The following KPNA4 variants were observed in gnomAD, a reference collection of about 807,000 sequenced individuals.
KPNA4 encodes importin subunit alpha-3.
In KPNA4, 13 loss-of-function variants were observed where a neutral mutation model predicts 71.3. The observed-to-expected ratio is 0.18, with a 90% CI of 0.12 to 0.29. KPNA4 has a LOEUF of 0.29. Among genes scored for constraint, KPNA4 ranks in the 10% least tolerant of loss-of-function variants. KPNA4 has a pLI of 1.00. For synonymous variants in KPNA4, 189 were observed against 195.2 expected (o/e 0.97, Z 0.26); for missense variants, 334 against 603.2 (o/e 0.55, Z 4.67).
At chr3:160,536,430 T>C (rs1721695731) in intron 2 of KPNA4, among the ~76,000 whole-genome samples, 1 of 152,142 alleles carries the variant, frequency 6.6e-6, no homozygotes, top group East Asian at 1.9e-4. Flanking sequence ...TTGAAGAAGT[T>C]TGCAACAAGT....
chr3:160,499,625 T>C lies in KPNA4; in HGVS notation c.*2479A>G, dbSNP rs575706222. The C allele has an allele frequency of 2.4e-4, 36 of 152,202 alleles. No homozygotes were observed. The highest frequency in any genetic ancestry group is 2.1e-3 in the Admixed American group (32 of 15,282). The allele number at this position is 152,202 out of a possible 1,614,324, so 9.4% of individuals were successfully genotyped here. ...TATTAGGCTATAGATGGAAATAAAA[T>C]ATTTAAACGATAAGGTAGTCCTTAT... On this transcript the variant is annotated 3_prime_UTR_variant, in exon 17 of 17. Coordinates refer to ENST00000334256, the MANE Select transcript of KPNA4 (RefSeq NM_002268.5).
intron 2 of KPNA4, 84 bp downstream of exon 2, chr3:160,536,712 A>C (rs1241488701): frequency 1.4e-6 from 1 of 703,878 alleles, no homozygotes; most frequent in Non-Finnish European, 2.3e-6. Context: ...ACCTAAAAAC[A>C]TAATATATAT....
At chr3:160,503,092 C>CA (rs1486205629) in intron 16 of KPNA4, among the ~76,000 whole-genome samples, 4 of 151,902 alleles carry the variant, frequency 2.6e-5, no homozygotes, top group African/African-American at 9.7e-5. Flanking sequence ...GCCTGGGTGA[C>CA]AGAGCAAAAC....
chr3:160,506,334 A>G (rs1720984194), intron 15 of KPNA4, among the ~76,000 whole-genome samples: 1 of 151,948 alleles, frequency 6.6e-6, no homozygotes, highest in Non-Finnish European at 1.5e-5. Flanking sequence ...ACACCCAGCT[A>G]ATGTTTCATA....
intron 1 of KPNA4, among the ~76,000 whole-genome samples, chr3:160,551,940 G>GGGT (rs1491580192): frequency 1.8e-5 from 1 of 54,312 alleles, no homozygotes; most frequent in Non-Finnish European, 3.4e-5. Context: ...TGTCACAACT[G>GGGT]GGGGGGGGGG....
intron 11 of KPNA4, among the ~76,000 whole-genome samples, chr3:160,516,509 G>A (rs1376553441): frequency 1.3e-5 from 2 of 152,018 alleles, no homozygotes; most frequent in African/African-American, 4.8e-5. Context: ...GCTAGGTGCA[G>A]TGGCTCACGC....
At chr3:160,515,055 A>G (rs1354899453) in intron 12 of KPNA4, 7 of 519,182 alleles carry the variant, frequency 1.3e-5, no homozygotes, top group Non-Finnish European at 2.7e-5. Context: ...GATGCACTCC[A>G]ATATCAGCAT....
In KPNA4 at chr3:160,521,978, C is replaced by A. The variant is rs1349547931; in HGVS notation, c.772-68G>T. On this transcript the variant is annotated intron_variant, in intron 10 of 16. Transcript: ENST00000334256. ...CTCATTTTAGTAATTCTTGACCAAA[C>A]AACCATTCTAAAATTGTTCAACTAC... 9 of 1,384,538 alleles carry A rather than the reference C, an allele frequency of 6.5e-6. No individual in the cohort carries two copies. In the Admixed American group the frequency reaches 1.7e-4, roughly 26 times the overall value. The allele number at this position is 1,384,538 out of a possible 1,614,324, so 85.8% of individuals were successfully genotyped here.
At chr3:160,505,572 A>T (rs900681524) in intron 15 of KPNA4, among the ~76,000 whole-genome samples, 3 of 152,224 alleles carry the variant, frequency 2.0e-5, no homozygotes, top group African/African-American at 7.2e-5. Context: ...ATGAGTTTAA[A>T]TTATAGGCAG....
At chr3:160,552,058 G>A (rs999641295) in intron 1 of KPNA4, among the ~76,000 whole-genome samples, 1 of 151,360 alleles carries the variant, frequency 6.6e-6, no homozygotes, top group Non-Finnish European at 1.5e-5. Context: ...GGCCCAAAAC[G>A]TCAATAGTGC....
At chr3:160,553,401 C>T (rs1174446142) in intron 1 of KPNA4, among the ~76,000 whole-genome samples, 1 of 152,162 alleles carries the variant, frequency 6.6e-6, no homozygotes, top group East Asian at 1.9e-4. Flanking sequence ...CAGATTATCT[C>T]TTAGTAATTT....
At chr3:160,536,938 T>G in intron 1 of KPNA4, 98 bp from the exon 2 acceptor site, 2 of 599,674 alleles carry the variant, frequency 3.3e-6, no homozygotes, top group Admixed American at 2.7e-5. Flanking sequence ...CTCTAATCTT[T>G]TCTTTTAGCC....
chr3:160,521,636 T>C (rs1179109138), intron 11 of KPNA4, 143 bp downstream of exon 11: 2 of 754,714 alleles, frequency 2.7e-6, no homozygotes, highest in African/African-American at 3.5e-5. Context: ...TGGCATCTTA[T>C]TATTTATTTT....
In KPNA4 at chr3:160,514,091, G is replaced by A. The variant is rs754356894; in HGVS notation, c.1123C>T (p.His375Tyr). The change falls in exon 13 of 17, where the codon CAC becomes TAC. Residue 375 changes from histidine to tyrosine, a missense_variant. His to Tyr is a moderately conservative substitution (Grantham distance 83). Coordinates refer to ENST00000334256, the MANE Select transcript of KPNA4 (RefSeq NM_002268.5). ...IDANLVPMII[H>Y]LLDKGDFGTQ... ...GATTTTCTTACCTTATCCAAAAGGT[G>A]TATTATCATTGGTACAAGATTGGCA... 1.1e-5 allele frequency: 17 copies of A among 1,571,454 alleles called. No individual in the cohort carries two copies. Among genetic ancestry groups the A allele is most frequent in the South Asian group, 8.4e-5 (7 of 83,280 alleles).
At chr3:160,523,872 C>T (rs577208075) in intron 10 of KPNA4, among the ~76,000 whole-genome samples, 11 of 151,724 alleles carry the variant, frequency 7.3e-5, no homozygotes, top group Non-Finnish European at 1.5e-4. Context: ...AAAAAGAATT[C>T]ACATAAAAAA....
intron 10 of KPNA4, among the ~76,000 whole-genome samples, chr3:160,524,556 C>G (rs187117792): frequency 9.9e-5 from 15 of 152,068 alleles, no homozygotes; most frequent in Admixed American, 9.8e-4. Context: ...GTTGCCCAGG[C>G]TGGTCTCGAA....
rs12487511 is a variant in KPNA4, at chr3:160,498,078, G to A, written c.*4026C>T. ...CCCTGGGCAGTATGGGAGTTGAGAT[G>A]TGGGCTTTATTTGGCCCTTAGTAGC... On this transcript the variant is annotated 3_prime_UTR_variant, in exon 17 of 17. Coordinates refer to ENST00000334256, the MANE Select transcript of KPNA4 (RefSeq NM_002268.5). 2.6e-5 allele frequency: 4 copies of A among 152,286 alleles called. No homozygotes were observed. Among genetic ancestry groups the A allele is most frequent in the Admixed American group, 2.6e-4 (4 of 15,296 alleles). The allele number at this position is 152,286 out of a possible 1,614,324, so 9.4% of individuals were successfully genotyped here.
intron 8 of KPNA4, 35 bp from the exon 9 acceptor site, chr3:160,526,142 C>A: frequency 7.0e-7 from 1 of 1,421,118 alleles, no homozygotes; most frequent in East Asian, 2.5e-5. Flanking sequence ...CTCAATAAAA[C>A]ATACTGACAG....
At chr3:160,530,459 A>G (rs1313548441) in intron 7 of KPNA4, among the ~76,000 whole-genome samples, 1 of 152,130 alleles carries the variant, frequency 6.6e-6, no homozygotes, top group African/African-American at 2.4e-5. Context: ...AGCCTGGCCA[A>G]AAGAGTAAGA....
Sources: allele counts gnomAD v4.1 joint callset (sites outside exome capture counted in the v4.1 genomes callset), GRCh38; gene constraint gnomAD v4.1.1; transcripts MANE v1.5; gene names NCBI Gene and HGNC (gene_info 2026-07-23, HGNC 2026-07-21).